Variants in ANKRD13C observed in about 807,000 individuals in gnomAD.
ANKRD13C encodes the protein ankyrin repeat domain-containing protein 13C.
A neutral mutation model predicts 65.5 loss-of-function variants in ANKRD13C; 16 were observed. The observed-to-expected ratio is 0.24, with a 90% CI of 0.17 to 0.37. ANKRD13C has a LOEUF of 0.37. Among genes scored for constraint, ANKRD13C ranks in the 10% least tolerant of loss-of-function variants. The pLI, the probability that ANKRD13C is intolerant of heterozygous loss-of-function variation, is 1.00. For synonymous variants in ANKRD13C, 235 were observed against 238.7 expected (o/e 0.98, Z 0.14); for missense variants, 503 against 655.9 (o/e 0.77, Z 2.55).
chr1:70,343,921 G>A (rs939647406), intron 1 of ANKRD13C, among the ~76,000 whole-genome samples: 7 of 152,162 alleles, frequency 4.6e-5, no homozygotes, highest in African/African-American at 1.4e-4. Flanking sequence ...ACACTGAGGC[G>A]GGAGGATTGC....
At position 70,296,133 on chromosome 1, in the gene ANKRD13C, T is replaced by C; in HGVS notation, c.1050A>G (p.Lys350=). The C allele has an allele frequency of 6.2e-7, 1 of 1,613,348 alleles. No homozygotes were observed. Among genetic ancestry groups the C allele is most frequent in the East Asian group, 2.2e-5 (1 of 44,820 alleles). The change falls in exon 8 of 13, where the codon AAA becomes AAG. Residue 350 remains lysine (K), a synonymous_variant. Coordinates refer to ENST00000370944, the MANE Select transcript of ANKRD13C (RefSeq NM_030816.5). The part of the protein sequence containing the change: ...AQTGWLFRED[K]TERVGNFLAD... ...AAAAATCTAGATTTGCACATACTGT[T>C]TTATCTTCCCGAAAAAGCCATCCTG...
Position 70,334,301 on chromosome 1 carries a change from G to A in ANKRD13C, c.472+1757C>T, listed in dbSNP as rs1269684777. Among the ~76,000 whole-genome samples, 8 of 151,982 alleles carry A rather than the reference G, an allele frequency of 5.3e-5. No homozygotes were observed. The East Asian group carries it at 1.5e-3, about 29-fold the overall frequency. On this transcript the variant is annotated intron_variant, in intron 2 of 12. Coordinates refer to ENST00000370944, the MANE Select transcript of ANKRD13C (RefSeq NM_030816.5). ...GGATCGCACCACTATACCCCAGTTTGGGCAACGGAGCAAGACCCTGTCTCT... is the reference window on the plus strand; with the variant it reads ...GGATCGCACCACTATACCCCAGTTTAGGCAACGGAGCAAGACCCTGTCTCT...
chr1:70,341,662 CCT>C (rs1262430590), intron 1 of ANKRD13C, among the ~76,000 whole-genome samples: 7 of 152,044 alleles, frequency 4.6e-5, no homozygotes, highest in African/African-American at 1.7e-4. Flanking sequence ...CAGCCCAGCC[CCT>C]TTTTGTGTTT....
chr1:70,270,487 A>C (rs568012455), intron 12 of ANKRD13C, among the ~76,000 whole-genome samples: 3 of 152,328 alleles, frequency 2.0e-5, no homozygotes, highest in South Asian at 2.1e-4. Flanking sequence ...GTTTCGTGAA[A>C]GATAATTTTT....
chr1:70,279,163 T>C (rs1280880666), intron 9 of ANKRD13C, among the ~76,000 whole-genome samples: 1 of 151,796 alleles, frequency 6.6e-6, no homozygotes, highest in African/African-American at 2.4e-5. Context: ...GCCGAGATCA[T>C]GCCACTGCAC....
intron 11 of ANKRD13C, among the ~76,000 whole-genome samples, chr1:70,273,056 A>T (rs895487438): frequency 9.9e-5 from 15 of 151,920 alleles, no homozygotes; most frequent in African/African-American, 3.6e-4. Flanking sequence ...CATCGAGTCA[A>T]CTGGGTCCTA....
chr1:70,309,732 A>AAT (rs1553248052), intron 5 of ANKRD13C, among the ~76,000 whole-genome samples: 7,112 of 106,774 alleles, frequency 0.067, 241 homozygotes, highest in Admixed American at 0.12. Flanking sequence ...AAAAAAAAAA[A>AAT]AATAATAATA....
intron 9 of ANKRD13C, among the ~76,000 whole-genome samples, chr1:70,284,309 T>G (rs1679527288): frequency 6.6e-6 from 1 of 152,118 alleles, no homozygotes; most frequent in African/African-American, 2.4e-5. Flanking sequence ...AACATGGCTT[T>G]AAAATATATA....
chr1:70,351,177 C>T (rs2101645750), intron 1 of ANKRD13C, among the ~76,000 whole-genome samples: 1 of 152,310 alleles, frequency 6.6e-6, no homozygotes, highest in South Asian at 2.1e-4. Context: ...TATGTAAACA[C>T]TTAGCACCCT....
In ANKRD13C at chr1:70,300,876, A is replaced by G. The variant is rs1680321886; in HGVS notation, c.809T>C (p.Met270Thr). The change falls in exon 7 of 13, where the codon ATG (methionine) becomes ACG (threonine). Residue 270 changes from methionine to threonine, a missense_variant. By Grantham distance (81) the Met-to-Thr change is moderately conservative. Around this residue, in one of 2 missense-constraint regions of ANKRD13C, gnomAD observed 300 missense variants for 478.3 expected, o/e 0.63. Transcript: ENST00000370944. ...GCTTAGATCCCCTCGTTGGCACTTC[A>G]TGTCAGTAAAGTCTATGAGAGTTGT... ...LDTTLIDFTD[M>T]KCQRGDLSFI... 6.2e-7 allele frequency: 1 copy of G among 1,613,690 alleles called. No homozygotes were observed. The highest frequency in any genetic ancestry group is 1.7e-5 in the Admixed American group (1 of 59,876).
intron 12 of ANKRD13C, among the ~76,000 whole-genome samples, chr1:70,265,222 G>T (rs1028417678): frequency 7.9e-5 from 12 of 152,140 alleles, no homozygotes; most frequent in Non-Finnish European, 1.3e-4. Context: ...AATACAAGGT[G>T]ACAAGAGTGA....
intron 1 of ANKRD13C, among the ~76,000 whole-genome samples, chr1:70,349,236 A>G (rs779641674): frequency 2.6e-5 from 4 of 152,212 alleles, no homozygotes; most frequent in Non-Finnish European, 5.9e-5. Context: ...CACTCTGACT[A>G]TGGAAAAAGG....
At chr1:70,343,940 A>G (rs900913261) in intron 1 of ANKRD13C, among the ~76,000 whole-genome samples, 2 of 152,118 alleles carry the variant, frequency 1.3e-5, no homozygotes, top group Non-Finnish European at 2.9e-5. Flanking sequence ...GCTTGAGCCC[A>G]AGGAATTCAA....
chr1:70,271,981 C>G (rs1443064833), intron 11 of ANKRD13C, among the ~76,000 whole-genome samples: 2 of 152,044 alleles, frequency 1.3e-5, no homozygotes, highest in African/African-American at 4.8e-5. Context: ...TACATCGATT[C>G]TGTTCATTAT....
At chr1:70,265,817 C>A (rs1678591587) in intron 12 of ANKRD13C, among the ~76,000 whole-genome samples, 2 of 101,430 alleles carry the variant, frequency 2.0e-5, no homozygotes, top group Non-Finnish European at 3.6e-5. Flanking sequence ...AGTGTCAGAC[C>A]TTGCCTCAAA....
chr1:70,328,225 G>A (rs1052942149), intron 2 of ANKRD13C, among the ~76,000 whole-genome samples: 1 of 151,966 alleles, frequency 6.6e-6, no homozygotes, highest in Non-Finnish European at 1.5e-5. Flanking sequence ...AAAATATTGA[G>A]AAGGATAAAG....
intron 9 of ANKRD13C, among the ~76,000 whole-genome samples, chr1:70,278,859 T>A (rs1361601894): frequency 6.6e-6 from 1 of 152,072 alleles, no homozygotes; most frequent in Non-Finnish European, 1.5e-5. Flanking sequence ...AAATGGGAAT[T>A]GGGCCACTAA....
chr1:70,286,927 G>A (rs1405949284), intron 9 of ANKRD13C, among the ~76,000 whole-genome samples: 3 of 152,168 alleles, frequency 2.0e-5, no homozygotes, highest in Non-Finnish European at 4.4e-5. Context: ...CAGAGTTGCA[G>A]TGAGCTGAGA....
chr1:70,296,127 T>C lies in ANKRD13C; in HGVS notation c.1053+3A>G. On this transcript the variant is annotated splice_donor_region_variant and intron_variant, in intron 8 of 12. Coordinates refer to ENST00000370944, the MANE Select transcript of ANKRD13C (RefSeq NM_030816.5). ...AAGTTTAAAAATCTAGATTTGCACA[T>C]ACTGTTTTATCTTCCCGAAAAAGCC... is the stretch of plus-strand genomic sequence containing the variant. 6.2e-7 allele frequency: 1 copy of C among 1,611,654 alleles called. No homozygotes were observed. The highest frequency in any genetic ancestry group is 2.2e-5 in the East Asian group (1 of 44,794).
Sources: gnomAD v4.1 joint callset for allele counts (sites outside exome capture counted in the v4.1 genomes callset) on GRCh38, gnomAD v4.1.1 for gene constraint, gnomAD v4.1.1 regional missense constraint, MANE v1.5 for transcripts, NCBI Gene and HGNC (gene_info 2026-07-23, HGNC 2026-07-21) for gene names.